SPAG16: variants seen among roughly 807,000 people sequenced by gnomAD.
SPAG16 encodes sperm associated antigen 16.
SPAG16 carries 86 observed loss-of-function variants against 80.4 expected under a neutral mutation model. The ratio of observed to expected loss-of-function variants is 1.07; its 90% CI spans 0.90 to 1.28. The LOEUF is 1.28. Ranked by LOEUF, SPAG16 falls within the 50% of genes most tolerant of loss-of-function variation. The pLI, the probability that SPAG16 is intolerant of heterozygous loss-of-function variation, is 0.00. For missense variants in SPAG16, 870 were observed against 765.3 expected (o/e 1.14, Z -1.61); for synonymous variants, 294 against 265.9 (o/e 1.11, Z -1.03).
intron 7 of SPAG16, among the ~76,000 whole-genome samples, chr2:213,354,917 T>C (rs2065544317): frequency 6.6e-6 from 1 of 152,204 alleles, no homozygotes; most frequent in South Asian, 2.1e-4. Flanking sequence ...CTTTTGGTGT[T>C]TTAGTCACAA....
At chr2:213,417,816 T>A (rs1002337188) in intron 9 of SPAG16, among the ~76,000 whole-genome samples, 10 of 152,136 alleles carry the variant, frequency 6.6e-5, no homozygotes, top group Non-Finnish European at 1.2e-4. Flanking sequence ...AAAAATATTT[T>A]CCTCCTATTT....
intron 10 of SPAG16, among the ~76,000 whole-genome samples, chr2:213,676,386 C>A (rs1481241794): frequency 6.6e-6 from 1 of 150,630 alleles, no homozygotes; most frequent in Admixed American, 6.6e-5. Context: ...CCTTCTCCTG[C>A]CTAATTGCCC....
chr2:213,552,660 T>G (rs2076816685), intron 10 of SPAG16, among the ~76,000 whole-genome samples: 1 of 152,168 alleles, frequency 6.6e-6, no homozygotes, highest in Admixed American at 6.5e-5. Flanking sequence ...TCAACTTGAT[T>G]GGAGGATGCA....
chr2:214,201,133 T>A (rs1028625042), intron 15 of SPAG16, among the ~76,000 whole-genome samples: 4 of 152,184 alleles, frequency 2.6e-5, no homozygotes, highest in African/African-American at 9.7e-5. Context: ...ATGTCTCTTT[T>A]TCTAAAGACG....
intron 15 of SPAG16, among the ~76,000 whole-genome samples, chr2:214,363,708 C>G (rs777707304): frequency 2.0e-5 from 3 of 151,862 alleles, no homozygotes; most frequent in African/African-American, 4.8e-5. Context: ...CTTTTAAAGA[C>G]AAAGAAAAGA....
intron 15 of SPAG16, among the ~76,000 whole-genome samples, chr2:214,192,170 G>A (rs1479396800): frequency 1.3e-5 from 2 of 152,110 alleles, no homozygotes; most frequent in African/African-American, 2.4e-5. Context: ...TTCAAGAAAC[G>A]AAGCATTCTA....
At chr2:213,954,219 C>T (rs934794874) in intron 12 of SPAG16, among the ~76,000 whole-genome samples, 2 of 151,290 alleles carry the variant, frequency 1.3e-5, no homozygotes, top group African/African-American at 2.4e-5. Context: ...CTTAAAACCA[C>T]TAATCTACTT....
intron 10 of SPAG16, among the ~76,000 whole-genome samples, chr2:213,686,319 AT>A (rs1559375952): frequency 6.6e-6 from 1 of 152,128 alleles, no homozygotes; most frequent in Non-Finnish European, 1.5e-5. Flanking sequence ...GGGTTTCACT[AT>A]ATTGGCCAAG....
rs999539282 is a variant in SPAG16 at position 214,337,629 on chromosome 2, T to A, written c.1721-72511T>A. On this transcript the variant is annotated intron_variant, in intron 15 of 15. Coordinates refer to ENST00000331683, the MANE Select transcript of SPAG16 (RefSeq NM_024532.5). ...ACCAACAGACCTCCTATGGGTATTT[T>A]TTACAGGAAAGTGCATGGCTATAGG... is the stretch of plus-strand genomic sequence containing the variant. Among the ~76,000 whole-genome samples the A allele has an allele frequency of 2.6e-5, 4 of 152,176 alleles. No individual in the cohort carries two copies. The East Asian group carries it at 7.7e-4, about 29-fold the overall frequency.
intron 10 of SPAG16, among the ~76,000 whole-genome samples, chr2:213,842,674 A>G (rs1269410114): frequency 6.6e-6 from 1 of 152,224 alleles, no homozygotes; most frequent in Non-Finnish European, 1.5e-5. Flanking sequence ...CCTTCTGCAT[A>G]TGAATTGTCC....
chr2:213,319,761 A>G (rs1425670825), intron 5 of SPAG16, among the ~76,000 whole-genome samples: 1 of 151,980 alleles, frequency 6.6e-6, no homozygotes, highest in Non-Finnish European at 1.5e-5. Context: ...AGTCATTGTC[A>G]AGTACTGGTT....
At chr2:214,189,457 T>C (rs891344362) in intron 15 of SPAG16, among the ~76,000 whole-genome samples, 1 of 152,152 alleles carries the variant, frequency 6.6e-6, no homozygotes, top group Non-Finnish European at 1.5e-5. Flanking sequence ...TGAGAAGTTT[T>C]TGATAACCAT....
At chr2:213,511,824 C>G (rs1017248439) in intron 10 of SPAG16, among the ~76,000 whole-genome samples, 2 of 151,858 alleles carry the variant, frequency 1.3e-5, no homozygotes, top group African/African-American at 4.8e-5. Flanking sequence ...TATTATAGAG[C>G]TATATAAAAC....
intron 10 of SPAG16, among the ~76,000 whole-genome samples, chr2:213,577,024 G>A (rs1176966738): frequency 6.6e-6 from 1 of 152,020 alleles, no homozygotes; most frequent in East Asian, 1.9e-4. Flanking sequence ...TGTATTAAGT[G>A]TCATGATTAT....
intron 9 of SPAG16, among the ~76,000 whole-genome samples, chr2:213,467,017 T>C (rs957916080): frequency 3.3e-5 from 5 of 152,210 alleles, no homozygotes; most frequent in Non-Finnish European, 5.9e-5. Flanking sequence ...TAGCAAAGTA[T>C]AGGGATTGAG....
At chr2:213,398,643 C>A (rs539556318) in intron 9 of SPAG16, among the ~76,000 whole-genome samples, 1 of 152,274 alleles carries the variant, frequency 6.6e-6, no homozygotes, top group Admixed American at 6.5e-5. Flanking sequence ...AGAGACTTTT[C>A]ATAGCCATCC....
Position 214,383,542 on chromosome 2 carries a change from G to A in SPAG16, c.1721-26598G>A, listed in dbSNP as rs1224592205. Among the ~76,000 whole-genome samples, 23 of 148,216 alleles carry A rather than the reference G, an allele frequency of 1.6e-4. No homozygotes were observed. The East Asian group carries it at 4.5e-3, about 29-fold the overall frequency. ...GCCAAGATCGCACCACTGCACTCCA[G>A]CCTGGGCAACAGAGTGAGACTTCAT... is the stretch of plus-strand genomic sequence containing the variant. On this transcript the variant is annotated intron_variant, in intron 15 of 15. Transcript: ENST00000331683.
chr2:214,162,766 ACTT>A (rs2056492376), intron 15 of SPAG16, among the ~76,000 whole-genome samples: 14 of 152,112 alleles, frequency 9.2e-5, no homozygotes, highest in Admixed American at 9.2e-4. Context: ...CACTCTTTGT[ACTT>A]CTTTTTAAAA....
intron 10 of SPAG16, among the ~76,000 whole-genome samples, chr2:213,779,290 C>G (rs1373908670): frequency 1.3e-5 from 2 of 152,054 alleles, no homozygotes; most frequent in African/African-American, 4.8e-5. Flanking sequence ...ATAATCAAAC[C>G]AAACCTTCAA....
Sources: allele counts gnomAD v4.1 joint callset (sites outside exome capture counted in the v4.1 genomes callset), GRCh38; gene constraint gnomAD v4.1.1; transcripts MANE v1.5; gene names NCBI Gene and HGNC (gene_info 2026-07-23, HGNC 2026-07-21).